EXOC4: variants seen among roughly 807,000 people sequenced by gnomAD.
EXOC4 encodes the protein exocyst complex component 4, also known as SEC8-like 1.
Under a neutral mutation model 107.2 loss-of-function variants are expected in EXOC4, and 71 were observed. The ratio of observed to expected loss-of-function variants is 0.66; its 90% confidence interval spans 0.55 to 0.81. The LOEUF is 0.81. Ranked by LOEUF, EXOC4 falls within the 30% of genes least tolerant of loss-of-function variation. The pLI is 0.00. For synonymous variants in EXOC4, 456 were observed against 441.2 expected (o/e 1.03, Z -0.42); for missense variants, 1,108 against 1,189.6 (o/e 0.93, Z 1.01).
chr7:133,523,896 A>G (rs1291321625), intron 9 of EXOC4, among the ~76,000 whole-genome samples: 29 of 151,954 alleles, frequency 1.9e-4, no homozygotes, highest in African/African-American at 6.0e-4. Context: ...TAGTGCCGCA[A>G]TAAACATACG....
At chr7:133,748,618 A>G (rs940702141) in intron 10 of EXOC4, among the ~76,000 whole-genome samples, 5 of 152,202 alleles carry the variant, frequency 3.3e-5, no homozygotes, top group Non-Finnish European at 5.9e-5. Context: ...AAGGGGAAAA[A>G]GCACAGGTGT....
intron 10 of EXOC4, among the ~76,000 whole-genome samples, chr7:133,701,825 A>ACACACATACACAC (rs1794661882): frequency 6.6e-6 from 1 of 152,150 alleles, no homozygotes; most frequent in Non-Finnish European, 1.5e-5. Flanking sequence ...CCCTGAAGGT[A>ACACACATACACAC]ACTTTGTATA....
chr7:133,594,794 G>C (rs1447866591), intron 9 of EXOC4, among the ~76,000 whole-genome samples: 1 of 152,024 alleles, frequency 6.6e-6, no homozygotes, highest in African/African-American at 2.4e-5. Flanking sequence ...TCCCGGCCAA[G>C]TTTGAGTCTT....
At chr7:134,032,191 A>G (rs761162525) in intron 17 of EXOC4, among the ~76,000 whole-genome samples, 2 of 152,198 alleles carry the variant, frequency 1.3e-5, no homozygotes, top group African/African-American at 2.4e-5. Flanking sequence ...TCTTATAACT[A>G]CATTACCTAG....
At chr7:133,437,959 G>A (rs190104968) in intron 7 of EXOC4, among the ~76,000 whole-genome samples, 1 of 152,116 alleles carries the variant, frequency 6.6e-6, no homozygotes, top group African/African-American at 2.4e-5. Context: ...CCTAGTCTTT[G>A]TCCCGCTTTT....
chr7:133,571,199 G>A (rs908750140), intron 9 of EXOC4, among the ~76,000 whole-genome samples: 2 of 152,172 alleles, frequency 1.3e-5, no homozygotes, highest in Admixed American at 6.5e-5. Flanking sequence ...AAAAGTTTCA[G>A]AACTGTGTTG....
chr7:133,286,934 C>G (rs1333592931), intron 2 of EXOC4, among the ~76,000 whole-genome samples: 1 of 152,094 alleles, frequency 6.6e-6, no homozygotes, highest in Non-Finnish European at 1.5e-5. Flanking sequence ...AGGAAATTAC[C>G]CATGTGTGTG....
intron 10 of EXOC4, among the ~76,000 whole-genome samples, chr7:133,730,536 C>T (rs1562974157): frequency 6.6e-6 from 1 of 152,024 alleles, no homozygotes; most frequent in African/African-American, 2.4e-5. Flanking sequence ...TGGTGAGCTA[C>T]CAGCTGTTTT....
At chr7:133,483,961 C>T (rs1383015263) in intron 9 of EXOC4, 2 of 1,494,458 alleles carry the variant, frequency 1.3e-6, no homozygotes, top group Non-Finnish European at 1.9e-6. Context: ...ATTTTTGTTT[C>T]TTCTGTTAAC....
At chr7:133,863,599 A>G (rs1259678251) in intron 11 of EXOC4, among the ~76,000 whole-genome samples, 4 of 152,184 alleles carry the variant, frequency 2.6e-5, no homozygotes, top group Non-Finnish European at 5.9e-5. Context: ...AGTGTTCTCT[A>G]TCTTGATTTA....
the EXOC4 span, among the ~76,000 whole-genome samples, chr7:134,096,034 G>A: frequency 6.6e-6 from 1 of 151,612 alleles, no homozygotes; most frequent in Non-Finnish European, 1.5e-5. Flanking sequence ...CCACAGAATG[G>A]GAGAAAATAT....
At chr7:133,562,731 T>TACAACG (rs1800834000) in intron 9 of EXOC4, among the ~76,000 whole-genome samples, 1 of 152,134 alleles carries the variant, frequency 6.6e-6, no homozygotes. Flanking sequence ...AACGAATACA[T>TACAACG]TATTGGGTTC....
chr7:133,947,257 T>C (rs1800575837), intron 14 of EXOC4, among the ~76,000 whole-genome samples: 1 of 152,208 alleles, frequency 6.6e-6, no homozygotes, highest in Non-Finnish European at 1.5e-5. Flanking sequence ...ATCTTATCCC[T>C]GGAGCTCTCA....
chr7:133,393,336 C>A (rs1414442457), intron 7 of EXOC4, among the ~76,000 whole-genome samples: 1 of 152,124 alleles, frequency 6.6e-6, no homozygotes, highest in Non-Finnish European at 1.5e-5. Context: ...AGTCTTTAAG[C>A]CTTTGGAGAG....
chr7:133,436,378 CTTTCCTCT>C (rs1262670275), intron 7 of EXOC4, among the ~76,000 whole-genome samples: 5 of 152,086 alleles, frequency 3.3e-5, no homozygotes, highest in African/African-American at 1.2e-4. Context: ...TAGCTTTCTC[CTTTCCTCT>C]TCATTTGGCA....
intron 11 of EXOC4, among the ~76,000 whole-genome samples, chr7:133,854,838 T>G (rs532541386): frequency 6.7e-6 from 1 of 149,856 alleles, no homozygotes; most frequent in East Asian, 2.0e-4. Context: ...CCTGTTGGCA[T>G]TAATTAAAAA....
At chr7:133,664,411 G>A (rs1793765366) in intron 10 of EXOC4, among the ~76,000 whole-genome samples, 1 of 151,928 alleles carries the variant, frequency 6.6e-6, no homozygotes, top group Admixed American at 6.6e-5. Flanking sequence ...GTTGAGTCAG[G>A]GTATGTCAGT....
intron 14 of EXOC4, among the ~76,000 whole-genome samples, chr7:133,988,739 A>G (rs1283928130): frequency 6.6e-6 from 1 of 152,180 alleles, no homozygotes; most frequent in Non-Finnish European, 1.5e-5. Context: ...TGATATGTTT[A>G]GGAAATTTGC....
chr7:133,533,130 A>G (rs1477160086), intron 9 of EXOC4, among the ~76,000 whole-genome samples: 1 of 152,118 alleles, frequency 6.6e-6, no homozygotes, highest in Non-Finnish European at 1.5e-5. Flanking sequence ...AAATGCTTCT[A>G]AAATGTGTCT....
Sources: gnomAD v4.1 joint callset for allele counts (sites outside exome capture counted in the v4.1 genomes callset) on GRCh38, gnomAD v4.1.1 for gene constraint, MANE v1.5 for transcripts, NCBI Gene and HGNC (gene_info 2026-07-23, HGNC 2026-07-21) for gene names.